The following TNRC6A variants were observed in gnomAD, a reference collection of about 807,000 sequenced individuals.
TNRC6A encodes trinucleotide repeat containing adaptor 6A.
Under a neutral mutation model 221.2 loss-of-function variants are expected in TNRC6A, and 44 were observed. That is an observed-to-expected ratio of 0.20 (90% CI 0.16 to 0.26). The LOEUF (loss-of-function observed/expected upper bound fraction) is 0.26, where lower values mean the gene tolerates loss of function less well. Among genes scored for constraint, TNRC6A ranks in the 10% least tolerant of loss-of-function variants. The probability of loss-of-function intolerance (pLI) is 1.00; values close to 1 mark genes in which losing one functional copy is unlikely to be tolerated. For missense variants in TNRC6A, 2,199 were observed against 2,404.4 expected (o/e 0.91, Z 1.79); for synonymous variants, 847 against 838.5 (o/e 1.01, Z -0.18).
chr16:24,740,737 A>G (rs1405470388), intron 2 of TNRC6A, among the ~76,000 whole-genome samples: 1 of 152,128 alleles, frequency 6.6e-6, no homozygotes, highest in Non-Finnish European at 1.5e-5. Context: ...AGCCATCACC[A>G]CCATCCACCT....
intron 1 of TNRC6A, among the ~76,000 whole-genome samples, chr16:24,633,750 G>A (rs1901473838): frequency 6.7e-6 from 1 of 149,540 alleles, no homozygotes; most frequent in Admixed American, 6.7e-5. Flanking sequence ...CCTCCCAATA[G>A]AATTTAAGCT....
chr16:24,677,007 T>C (rs1236810415), intron 2 of TNRC6A, among the ~76,000 whole-genome samples: 1 of 152,156 alleles, frequency 6.6e-6, no homozygotes, highest in South Asian at 2.1e-4. Context: ...TAACTTTTTA[T>C]TGTCTGTCGC....
intron 11 of TNRC6A, among the ~76,000 whole-genome samples, chr16:24,803,263 A>G (rs1350673654): frequency 6.6e-6 from 1 of 151,200 alleles, no homozygotes; most frequent in East Asian, 2.0e-4. Flanking sequence ...TACTGAAAAT[A>G]AAAAAATTAG....
intron 5 of TNRC6A, among the ~76,000 whole-genome samples, chr16:24,780,920 C>T (rs1020750557): frequency 5.9e-5 from 9 of 151,928 alleles, no homozygotes; most frequent in Non-Finnish European, 2.9e-5. Flanking sequence ...GCTTTTAGCA[C>T]GGTGTACCTC....
At chr16:24,765,074 G>A (rs1231764711) in intron 4 of TNRC6A, among the ~76,000 whole-genome samples, 1 of 152,178 alleles carries the variant, frequency 6.6e-6, no homozygotes, top group Non-Finnish European at 1.5e-5. Context: ...CTTGGAAAAG[G>A]AGGGGGACTA....
intron 2 of TNRC6A, among the ~76,000 whole-genome samples, chr16:24,716,730 C>G (rs376641072): frequency 1.3e-5 from 2 of 151,658 alleles, no homozygotes; most frequent in African/African-American, 4.8e-5. Context: ...GAGGCTGAGG[C>G]GGGCAGATCA....
intron 4 of TNRC6A, among the ~76,000 whole-genome samples, chr16:24,760,173 C>CT (rs2057332718): frequency 6.6e-6 from 1 of 152,084 alleles, no homozygotes; most frequent in South Asian, 2.1e-4. Flanking sequence ...CCAAAGATGT[C>CT]TTTATCAGGC....
intron 18 of TNRC6A, among the ~76,000 whole-genome samples, chr16:24,810,748 C>CT (rs1273618005): frequency 6.6e-6 from 1 of 152,112 alleles, no homozygotes; most frequent in East Asian, 1.9e-4. Context: ...TCATGGAAAA[C>CT]TTGTGCCAAG....
At chr16:24,676,005 A>T (rs183914749) in intron 2 of TNRC6A, among the ~76,000 whole-genome samples, 1 of 151,918 alleles carries the variant, frequency 6.6e-6, no homozygotes, top group Admixed American at 6.6e-5. Flanking sequence ...CCACCAATGC[A>T]TTAGGGCTAA....
rs562930589 is a variant in TNRC6A, at chr16:24,756,379, C to T, written c.142-1960C>T. On this transcript the variant is annotated intron_variant, in intron 3 of 24. Transcript: ENST00000395799. The stretch of plus-strand genomic sequence containing the variant: ...AATATACTAGGTCTCCAGACCAGCC[C>T]GCAAAAACCTGTTTTAAAAAAGTGG... Among the ~76,000 whole-genome samples the T allele has an allele frequency of 8.5e-5, 13 of 152,232 alleles. No individual in the cohort carries two copies. In the South Asian group the frequency reaches 2.1e-3, roughly 24 times the overall value.
chr16:24,689,336 GT>G (rs2055703921), intron 2 of TNRC6A, among the ~76,000 whole-genome samples: 1 of 152,216 alleles, frequency 6.6e-6, no homozygotes, highest in Non-Finnish European at 1.5e-5. Flanking sequence ...AGCGAGGAAG[GT>G]GGGCAGGATT....
intron 2 of TNRC6A, among the ~76,000 whole-genome samples, chr16:24,680,713 CAAAAAAAA>C (rs560768377): frequency 8.5e-6 from 1 of 118,264 alleles, no homozygotes; most frequent in South Asian, 2.9e-4. Flanking sequence ...AAGACTCCAT[CAAAAAAAA>C]AAAAAAAAGG....
intron 1 of TNRC6A, among the ~76,000 whole-genome samples, chr16:24,616,753 C>T (rs150732419): frequency 0.062 from 9,433 of 151,870 alleles, 379 homozygotes; most frequent in African/African-American, 0.099. Flanking sequence ...GTCAACATGG[C>T]GAAACCCCGT....
At chr16:24,710,204 A>G (rs2056178131) in intron 2 of TNRC6A, among the ~76,000 whole-genome samples, 2 of 150,278 alleles carry the variant, frequency 1.3e-5, no homozygotes, top group South Asian at 2.1e-4. Flanking sequence ...CAGCCTGGGC[A>G]ACAAGAGCGG....
intron 2 of TNRC6A, among the ~76,000 whole-genome samples, chr16:24,666,065 G>A (rs141289080): frequency 0.02 from 3,067 of 152,222 alleles, 104 homozygotes; most frequent in African/African-American, 0.069. Context: ...GGTGGATCAC[G>A]CCTGTAATCT....
In TNRC6A at chr16:24,723,239, C is replaced by T. The variant is rs550520232; in HGVS notation, n.403-27487C>T. On this transcript the variant is annotated intron_variant and non_coding_transcript_variant, in intron 2 of 2. Transcript: ENST00000566108. ...AATAAGTAACACTTCACCTCCACTCCGCAGAGGGTTTGGGGGAAATGACTG... is the reference window on the plus strand; with the variant it reads ...AATAAGTAACACTTCACCTCCACTCTGCAGAGGGTTTGGGGGAAATGACTG... Among the ~76,000 whole-genome samples, 8 of 152,222 alleles carry T rather than the reference C, an allele frequency of 5.3e-5. No homozygotes were observed. The South Asian group carries it at 8.3e-4, about 16-fold the overall frequency.
intron 1 of TNRC6A, among the ~76,000 whole-genome samples, chr16:24,612,551 A>C (rs1268908100): frequency 2.6e-5 from 4 of 151,818 alleles, no homozygotes; most frequent in African/African-American, 9.7e-5. Context: ...GTTCCAGACC[A>C]GCCTGGGCAA....
chr16:24,805,434 C>T, intron 14 of TNRC6A, 171 bp from the exon 15 acceptor site: 1 of 1,019,232 alleles, frequency 9.8e-7, no homozygotes, highest in South Asian at 1.7e-5. Context: ...TTTACTTAAC[C>T]CACGAAAAAG....
chr16:24,811,964 C>T (rs1277540685), intron 18 of TNRC6A, among the ~76,000 whole-genome samples: 1 of 146,164 alleles, frequency 6.8e-6, no homozygotes, highest in Non-Finnish European at 1.5e-5. Context: ...GACCATAAAC[C>T]AAACAGACCT....
Sources: gnomAD v4.1 joint callset for allele counts (sites outside exome capture counted in the v4.1 genomes callset) on GRCh38, gnomAD v4.1.1 for gene constraint, MANE v1.5 for transcripts, NCBI Gene and HGNC (gene_info 2026-07-23, HGNC 2026-07-21) for gene names.